The following MRTFA variants were observed in gnomAD, a reference collection of about 807,000 sequenced individuals.
MRTFA encodes the protein myocardin-related transcription factor A.
MRTFA carries 20 observed loss-of-function variants against 83.5 expected under a neutral mutation model. The observed-to-expected ratio is 0.24, with a 90% CI of 0.17 to 0.35. The LOEUF is 0.35. Among genes scored for constraint, MRTFA ranks in the 10% least tolerant of loss-of-function variants. The probability of loss-of-function intolerance (pLI) is 1.00; values close to 1 mark genes in which losing one functional copy is unlikely to be tolerated. For synonymous variants in MRTFA, 659 were observed against 541.2 expected (o/e 1.22, Z -3.02); for missense variants, 1,200 against 1,224.7 (o/e 0.98, Z 0.30).
At chr22:40,424,924 G>T (rs987571817) in intron 7 of MRTFA, among the ~76,000 whole-genome samples, 2 of 152,198 alleles carry the variant, frequency 1.3e-5, no homozygotes, top group African/African-American at 4.8e-5. Context: ...GCCAGGAACA[G>T]ACTAAGGAGC....
At chr22:40,622,481 CAAAAAAA>C (rs133041) in intron 1 of MRTFA, among the ~76,000 whole-genome samples, 2 of 133,898 alleles carry the variant, frequency 1.5e-5, no homozygotes, top group Non-Finnish European at 3.2e-5. Flanking sequence ...ACTCCCATCT[CAAAAAAA>C]AAAAGAATTA....
intron 3 of MRTFA, chr22:40,519,393 T>C (rs1602373392): frequency 1.5e-6 from 2 of 1,309,818 alleles, no homozygotes; most frequent in African/African-American, 3.0e-5. Flanking sequence ...AATATTTCAT[T>C]TAGTCAGCTC....
intron 4 of MRTFA, among the ~76,000 whole-genome samples, chr22:40,441,338 G>T (rs1178066407): frequency 6.6e-6 from 1 of 152,202 alleles, no homozygotes; most frequent in Non-Finnish European, 1.5e-5. Flanking sequence ...CCCGCCCCTG[G>T]CTGGCTACAA....
intron 3 of MRTFA, among the ~76,000 whole-genome samples, chr22:40,518,277 G>T (rs768215292): frequency 1.2e-4 from 19 of 152,050 alleles, no homozygotes; most frequent in Non-Finnish European, 2.6e-4. Flanking sequence ...ACTATCGATC[G>T]GCATCTGAAG....
intron 3 of MRTFA, among the ~76,000 whole-genome samples, chr22:40,513,234 AG>A (rs2054697168): frequency 1.3e-5 from 2 of 152,228 alleles, no homozygotes; most frequent in Admixed American, 1.3e-4. Flanking sequence ...TCTGAGATGC[AG>A]GAGGTAAGAA....
chr22:40,414,159 T>C (rs2052625494), intron 14 of MRTFA, among the ~76,000 whole-genome samples: 1 of 152,024 alleles, frequency 6.6e-6, no homozygotes, highest in Non-Finnish European at 1.5e-5. Flanking sequence ...GGCAACACAG[T>C]GAAACCCCGT....
At chr22:40,480,204 T>C (rs1453799259) in intron 3 of MRTFA, among the ~76,000 whole-genome samples, 1 of 152,096 alleles carries the variant, frequency 6.6e-6, no homozygotes. Context: ...CCCAGCTCTG[T>C]CTGAATGTAT....
intron 6 of MRTFA, among the ~76,000 whole-genome samples, chr22:40,431,016 G>T (rs866854525): frequency 6.6e-6 from 1 of 152,072 alleles, no homozygotes; most frequent in Non-Finnish European, 1.5e-5. Context: ...CCGAATGAAT[G>T]AATATAAAAA....
At chr22:40,564,752 A>C (rs1772054289) in intron 2 of MRTFA, among the ~76,000 whole-genome samples, 1 of 152,052 alleles carries the variant, frequency 6.6e-6, no homozygotes, top group Non-Finnish European at 1.5e-5. Flanking sequence ...TCCCGGGTTC[A>C]AGCTTTCTCC....
chr22:40,423,457 C>G (rs1342015035), intron 9 of MRTFA, 79 bp downstream of exon 9: 59 of 1,276,324 alleles, frequency 4.6e-5, no homozygotes, highest in Middle Eastern at 2.1e-4. Context: ...TACAGCTGTC[C>G]CCACAGCTGG....
chr22:40,601,655 G>A (rs564062392), intron 1 of MRTFA, among the ~76,000 whole-genome samples: 4 of 152,064 alleles, frequency 2.6e-5, no homozygotes, highest in Admixed American at 1.3e-4. Flanking sequence ...AATACTCATC[G>A]TTTGATACTG....
intron 3 of MRTFA, among the ~76,000 whole-genome samples, chr22:40,524,387 C>A (rs571823150): frequency 6.6e-6 from 1 of 152,340 alleles, no homozygotes; most frequent in African/African-American, 2.4e-5. Context: ...TCTTACCCAA[C>A]AAAAGCAAAC....
chr22:40,411,626 G>A lies in MRTFA; in HGVS notation c.2860C>T (p.Leu954=). The A allele has an allele frequency of 6.2e-7, 1 of 1,613,640 alleles. No individual in the cohort carries two copies. The highest frequency in any genetic ancestry group is 8.5e-7 in the Non-Finnish European group (1 of 1,179,984). Residue 954 remains leucine (L), a synonymous_variant, in exon 15 of 15, where the codon CTG becomes TTG. Transcript: ENST00000355630. The stretch of plus-strand genomic sequence containing the variant: ...TCCATGGGTGACGGGGGGTGGTCCA[G>A]GATGGCAGTGCTGCTCAGCATCTGG...
intron 1 of MRTFA, among the ~76,000 whole-genome samples, chr22:40,614,741 C>T (rs1330227740): frequency 6.6e-6 from 1 of 152,154 alleles, no homozygotes; most frequent in African/African-American, 2.4e-5. Context: ...CCTGCCTCGG[C>T]CTCCCAAAGT....
chr22:40,462,269 G>A (rs996112172), intron 4 of MRTFA, among the ~76,000 whole-genome samples: 2 of 152,144 alleles, frequency 1.3e-5, no homozygotes, highest in African/African-American at 2.4e-5. Flanking sequence ...TAAATCACCT[G>A]AGAGCAAGAG....
intron 3 of MRTFA, among the ~76,000 whole-genome samples, chr22:40,488,434 C>T (rs1402023584): frequency 6.6e-6 from 1 of 152,202 alleles, no homozygotes; most frequent in African/African-American, 2.4e-5. Context: ...ATTAGCAGCA[C>T]ATGTCCCAGC....
At position 40,548,425 on chromosome 22, in the gene MRTFA, T is replaced by C. The variant is rs112336689; in HGVS notation, c.241+3681A>G. Among the ~76,000 whole-genome samples, 934 of 144,052 alleles carry C rather than the reference T, an allele frequency of 6.5e-3. 10 individuals carry two copies. The highest frequency in any genetic ancestry group is 0.023 in the African/African-American group (899 of 38,660). The allele number at this position is 144,052 out of a possible 152,430, so 94.5% of individuals were successfully genotyped here. A position where few individuals can be genotyped will look rare whatever the true frequency, so the allele number is the denominator to read the frequency against. On this transcript the variant is annotated intron_variant, in intron 3 of 14. Coordinates refer to ENST00000355630, the MANE Select transcript of MRTFA (RefSeq NM_020831.6). ...AAAGAGGGGCATCTAACACTAAATA[T>C]GAGTTAGGAAAGGCTTCAAGAAGAG... is the stretch of plus-strand genomic sequence containing the variant.
intron 1 of MRTFA, among the ~76,000 whole-genome samples, chr22:40,619,889 CAAAAA>C (rs1213944103): frequency 3.8e-5 from 2 of 52,438 alleles, no homozygotes; most frequent in Admixed American, 2.1e-4. Context: ...AACTCCGTCT[CAAAAA>C]AAAAAAAAAA....
At chr22:40,566,932 T>G (rs1180297567) in intron 2 of MRTFA, among the ~76,000 whole-genome samples, 1 of 152,200 alleles carries the variant, frequency 6.6e-6, no homozygotes, top group Non-Finnish European at 1.5e-5. Context: ...GACTCTGAGT[T>G]TGGTATAATT....
Sources: gnomAD v4.1 joint callset for allele counts (sites outside exome capture counted in the v4.1 genomes callset) on GRCh38, gnomAD v4.1.1 for gene constraint, MANE v1.5 for transcripts, NCBI Gene and HGNC (gene_info 2026-07-23, HGNC 2026-07-21) for gene names.